FUT7: variants seen among roughly 807,000 people sequenced by gnomAD.
The protein encoded by FUT7 is fucosyltransferase 7, also known as alpha-(1,3)-fucosyltransferase 7.
FUT7 carries 2 observed loss-of-function variants against 5.0 expected under a neutral mutation model. The ratio of observed to expected loss-of-function variants is 0.40; its 90% CI spans 0.16 to 1.26. The LOEUF is 1.26. Ranked by LOEUF, FUT7 falls within the 50% of genes most tolerant of loss-of-function variation. The probability of loss-of-function intolerance (pLI) is 0.32; values close to 1 mark genes in which losing one functional copy is unlikely to be tolerated. For missense variants in FUT7, 461 were observed against 489.8 expected (o/e 0.94, Z 0.55); for synonymous variants, 218 against 210.6 (o/e 1.03, Z -0.30).
At position 137,031,706 on chromosome 9, in the gene FUT7, C is replaced by G. The variant is rs1831859949; in HGVS notation, c.33G>C (p.Arg11Ser). The change falls in exon 2 of 2, where the codon AGG becomes AGC. Residue 11 changes from arginine to serine, a missense_variant. Physicochemically the swap from Arg to Ser is moderately radical, Grantham distance 110 (BLOSUM62 -1). Coordinates refer to ENST00000314412, the MANE Select transcript of FUT7 (RefSeq NM_004479.4). MNNAGHGPTR[R>S]LRGLGVLAGV... is the part of the protein sequence containing the mutation. ...CGGCCAGGACCCCCAAGCCTCGCAGCCTCCGGGTGGGGCCGTGCCCTGCAG... is the reference window on the plus strand; with the variant it reads ...CGGCCAGGACCCCCAAGCCTCGCAGGCTCCGGGTGGGGCCGTGCCCTGCAG... 1 of 1,547,024 alleles carries G rather than the reference C, an allele frequency of 6.5e-7. No individual in the cohort carries two copies.
rs377550865 is a variant in FUT7 at position 137,031,303 on chromosome 9, C to T, written c.436G>A (p.Asp146Asn). The change falls in exon 2 of 2, where the codon GAC becomes AAC. Residue 146 changes from aspartate (D) to asparagine (N), a missense_variant. Coordinates refer to ENST00000314412, the MANE Select transcript of FUT7 (RefSeq NM_004479.4). The stretch of plus-strand genomic sequence containing the variant: ...CCATAGGGCACAAAGATGTCCGAGT[C>T]GCGCCGGTAGCTCAGCACCCAGTTG... ...IFNWVLSYRR[D>N]SDIFVPYGRL... The T allele has an allele frequency of 8.3e-5, 133 of 1,606,494 alleles. No homozygotes were observed. The highest frequency in any genetic ancestry group is 1.6e-4 in the Middle Eastern group (1 of 6,074).
chr9:137,031,197 T>C lies in FUT7; in HGVS notation c.542A>G (p.Gln181Arg), dbSNP rs780419290. The C allele has an allele frequency of 6.2e-7, 1 of 1,609,818 alleles. No homozygotes were observed. Among genetic ancestry groups the C allele is most frequent in the Non-Finnish European group, 8.5e-7 (1 of 1,178,454 alleles). The change falls in exon 2 of 2, where the codon CAG (glutamine) becomes CGG (arginine). Residue 181 changes from glutamine (Q) to arginine (R), a missense_variant. Gln to Arg is a conservative substitution (Grantham distance 43). Transcript: ENST00000314412. ...RVAAWVVSNF[Q>R]ERQLRARLYR... ...CAGCCTGGCACGCAGCTGCCGCTCC[T>C]GGAAGTTGCTGACCACCCAGGCGGC...
rs1393243054 is a variant in FUT7, at chr9:137,030,724, A to G, written c.1015T>C (p.Trp339Arg). 6.2e-7 allele frequency: 1 copy of G among 1,612,808 alleles called. No individual in the cohort carries two copies. Among genetic ancestry groups the G allele is most frequent in the African/African-American group, 1.3e-5 (1 of 75,040 alleles). ...RSQVYEDLEGWFQA is the reference protein window; with the variant it reads ...RSQVYEDLEGRFQA ...GCCAGCGGATCTCAGGCCTGAAACC[A>G]ACCCTCAAGGTCCTCATAGACTTGG... Residue 339 changes from tryptophan to arginine, a missense_variant, in exon 2 of 2, where the codon TGG (tryptophan) becomes CGG (arginine). Physicochemically the swap from Trp to Arg is moderately radical, Grantham distance 101. Coordinates refer to ENST00000314412, the MANE Select transcript of FUT7 (RefSeq NM_004479.4).
At position 137,030,730 on chromosome 9, in the gene FUT7, C is replaced by G. The variant is rs894280571; in HGVS notation, c.1009G>C (p.Glu337Gln). ...LPRSQVYEDL[E>Q]GWFQA is the part of the protein sequence containing the mutation. ...GGATCTCAGGCCTGAAACCAACCCT[C>G]AAGGTCCTCATAGACTTGGCTGCGG... Residue 337 changes from glutamate to glutamine, a missense_variant, in exon 2 of 2, where the codon GAG becomes CAG. Transcript: ENST00000314412. 1 of 1,612,726 alleles carries G rather than the reference C, an allele frequency of 6.2e-7. No individual in the cohort carries two copies. Among genetic ancestry groups the G allele is most frequent in the Non-Finnish European group, 8.5e-7 (1 of 1,179,964 alleles).
chr9:137,030,325 A>C lies in FUT7; in HGVS notation c.*385T>G. 1.0e-5 allele frequency: 3 copies of C among 289,742 alleles called. No homozygotes were observed. Among genetic ancestry groups the C allele is most frequent in the South Asian group, 3.6e-5 (1 of 28,034 alleles). The allele number at this position is 289,742 out of a possible 1,614,324, so 17.9% of individuals were successfully genotyped here. ...AGGGACCCGTGCCTGTGTCTCGGGG[A>C]CCACAGGGCCTCTGCTACCGAGGAA... On this transcript the variant is annotated 3_prime_UTR_variant, in exon 2 of 2. Transcript: ENST00000314412.
At position 137,030,891 on chromosome 9, in the gene FUT7, A is replaced by G. The variant is rs750958294; in HGVS notation, c.848T>C (p.Leu283Pro). Residue 283 changes from leucine (L) to proline (P), a missense_variant, in exon 2 of 2, where the codon CTG becomes CCG. Coordinates refer to ENST00000314412, the MANE Select transcript of FUT7 (RefSeq NM_004479.4). The stretch of plus-strand genomic sequence containing the variant: ...ATTCATGCCAGTGAGGAAAGCCGCC[A>G]GCTCTCGGGCTGAGCCAAAGTCATC... ...HVDDFGSARE[L>P]AAFLTGMNES... 17 of 1,612,682 alleles carry G rather than the reference A, an allele frequency of 1.1e-5. No individual in the cohort carries two copies. The highest frequency in any genetic ancestry group is 1.4e-5 in the Non-Finnish European group (17 of 1,180,008).
Position 137,031,451 on chromosome 9 carries a change from G to A in FUT7, c.288C>T (p.Arg96=), listed in dbSNP as rs140687996. 2.9e-5 allele frequency: 45 copies of A among 1,554,498 alleles called. No individual in the cohort carries two copies. In the Middle Eastern group the frequency reaches 5.3e-4, roughly 18 times the overall value. Reference sequence around the variant, plus strand: ...GGTGGGACCGCCGGGTCTGCAGCTCGCGGTGGTGGAAGACCACGGCGTCGG... The same window carrying A: ...GGTGGGACCGCCGGGTCTGCAGCTCACGGTGGTGGAAGACCACGGCGTCGG... The part of the protein sequence containing the change: ...ASADAVVFHH[R]ELQTRRSHLP... Residue 96 remains arginine (R), a synonymous_variant, in exon 2 of 2, where the codon CGC becomes CGT. Coordinates refer to ENST00000314412, the MANE Select transcript of FUT7 (RefSeq NM_004479.4).
chr9:137,031,555 C>A lies in FUT7; in HGVS notation c.184G>T (p.Glu62Ter), dbSNP rs1831855843. ...WHWPFTDQPP[E>*]LPSDTCTRYG... Reference sequence around the variant, plus strand: ...CGGGTGCAGGTGTCGCTGGGCAGCTCTGGGGGCTGGTCAGTGAAGGGCCAG... The same window carrying A: ...CGGGTGCAGGTGTCGCTGGGCAGCTATGGGGGCTGGTCAGTGAAGGGCCAG... The change falls in exon 2 of 2, where the codon GAG becomes TAG. Residue 62 changes from glutamate to a stop codon, truncating the protein, a stop_gained. Coordinates refer to ENST00000314412, the MANE Select transcript of FUT7 (RefSeq NM_004479.4). LOFTEE classifies it low-confidence loss of function (END_TRUNC). 5 of 1,565,852 alleles carry A rather than the reference C, an allele frequency of 3.2e-6. No homozygotes were observed. In the African/African-American group the frequency reaches 5.4e-5, roughly 17 times the overall value.
Position 137,031,581 on chromosome 9 carries a change from T to A in FUT7, c.158A>T (p.His53Leu). Reference protein sequence around the residue: ...PQPTITILVWHWPFTDQPPEL... With the variant: ...PQPTITILVWLWPFTDQPPEL... Reference sequence around the variant, plus strand: ...TGGGGGCTGGTCAGTGAAGGGCCAGTGCCAGACAAGGATGGTGATCGTGGG... The same window carrying A: ...TGGGGGCTGGTCAGTGAAGGGCCAGAGCCAGACAAGGATGGTGATCGTGGG... The change falls in exon 2 of 2, where the codon CAC (histidine) becomes CTC (leucine). Residue 53 changes from histidine to leucine, a missense_variant. Physicochemically the swap from His to Leu is moderately conservative, Grantham distance 99 (BLOSUM62 -3). Transcript: ENST00000314412. The A allele has an allele frequency of 6.4e-7, 1 of 1,569,444 alleles. No individual in the cohort carries two copies. The highest frequency in any genetic ancestry group is 8.6e-7 in the Non-Finnish European group (1 of 1,158,856).
rs1039443478 is a variant in FUT7 at position 137,030,419 on chromosome 9, C to T, written c.*291G>A. ...TGCCCCCCAGCCCCAAGGGCCCTGCCTTTCACCCTCTTCCAGCCAGGCCTT... is the reference window on the plus strand; with the variant it reads ...TGCCCCCCAGCCCCAAGGGCCCTGCTTTTCACCCTCTTCCAGCCAGGCCTT... On this transcript the variant is annotated 3_prime_UTR_variant, in exon 2 of 2. Coordinates refer to ENST00000314412, the MANE Select transcript of FUT7 (RefSeq NM_004479.4). The T allele has an allele frequency of 6.3e-6, 3 of 475,742 alleles. No homozygotes were observed. Among genetic ancestry groups the T allele is most frequent in the Admixed American group, 6.8e-5 (2 of 29,436 alleles). 29.5% of individuals were successfully genotyped at this position (475,742 alleles called of 1,614,324 possible).
chr9:137,031,071 C>T lies in FUT7; in HGVS notation c.668G>A (p.Arg223His), dbSNP rs748230192. 19 of 1,612,816 alleles carry T rather than the reference C, an allele frequency of 1.2e-5. No homozygotes were observed. Among genetic ancestry groups the T allele is most frequent in the Non-Finnish European group, 1.5e-5 (18 of 1,179,952 alleles). The change falls in exon 2 of 2, where the codon CGC (arginine) becomes CAC (histidine). Residue 223 changes from arginine to histidine, a missense_variant. Transcript: ENST00000314412. ...AGAGTTCTCAAAGGACAGGTAGAAGCGGTACTGGGCCACGGTGGGCACCAG... is the reference window on the plus strand; with the variant it reads ...AGAGTTCTCAAAGGACAGGTAGAAGTGGTACTGGGCCACGGTGGGCACCAG... Reference protein sequence around the residue: ...SCLVPTVAQYRFYLSFENSQH... With the variant: ...SCLVPTVAQYHFYLSFENSQH...
In FUT7 at chr9:137,030,898, G is replaced by A. The variant is rs753445149; in HGVS notation, c.841C>T (p.Arg281Ter). Residue 281 changes from arginine (R) to a stop codon, truncating the protein, a stop_gained, in exon 2 of 2, where the codon CGA becomes TGA. Transcript: ENST00000314412. LOFTEE classifies it low-confidence loss of function (END_TRUNC). ...FVHVDDFGSA[R>*]ELAAFLTGMN... ...CCAGTGAGGAAAGCCGCCAGCTCTC[G>A]GGCTGAGCCAAAGTCATCCACATGC... 14 of 1,612,658 alleles carry A rather than the reference G, an allele frequency of 8.7e-6. No individual in the cohort carries two copies. The highest frequency in any genetic ancestry group is 3.3e-4 in the Middle Eastern group (2 of 6,084).
At position 137,031,980 on chromosome 9, in the gene FUT7, A is replaced by G. The variant is rs767357180; in HGVS notation, c.12T>C (p.Ala4=). MNN[A]GHGPTRRLRG... Reference sequence around the variant, plus strand: ...CCTCCCCGAGGGCCAGACACTCACCAGCATTATTCATCCACAGTCTCCCAG... The same window carrying G: ...CCTCCCCGAGGGCCAGACACTCACCGGCATTATTCATCCACAGTCTCCCAG... Residue 4 remains alanine, a splice_region_variant and synonymous_variant, in exon 1 of 2, where the codon GCT becomes GCC. Coordinates refer to ENST00000314412, the MANE Select transcript of FUT7 (RefSeq NM_004479.4). The G allele has an allele frequency of 3.7e-6, 6 of 1,612,548 alleles. No individual in the cohort carries two copies. The Admixed American group carries it at 5.0e-5, about 13-fold the overall frequency.
chr9:137,031,605 G>T lies in FUT7; in HGVS notation c.134C>A (p.Pro45His). The change falls in exon 2 of 2, where the codon CCC (proline) becomes CAC (histidine). Residue 45 changes from proline to histidine, a missense_variant. Transcript: ENST00000314412. ...GTGCCAGACAAGGATGGTGATCGTGGGCTGGGGTGCCGGGGTACCCCGAGG... is the reference window on the plus strand; with the variant it reads ...GTGCCAGACAAGGATGGTGATCGTGTGCTGGGGTGCCGGGGTACCCCGAGG... ...SAPRGTPAPQ[P>H]TITILVWHWP... 6.4e-7 allele frequency: 1 copy of T among 1,564,726 alleles called. No individual in the cohort carries two copies. The highest frequency in any genetic ancestry group is 2.3e-5 in the East Asian group (1 of 42,608).
At chr9:137,031,949 C>G in intron 1 of FUT7, 30 bp downstream of exon 1, 1 of 1,611,252 alleles carries the variant, frequency 6.2e-7, no homozygotes, top group Non-Finnish European at 8.5e-7. Flanking sequence ...CTGTCCCCAG[C>G]TTGGGCCTCC....
At position 137,030,665 on chromosome 9, in the gene FUT7, C is replaced by T. The variant is rs774438372; in HGVS notation, c.*45G>A. On this transcript the variant is annotated 3_prime_UTR_variant, in exon 2 of 2. Transcript: ENST00000314412. ...CGGATGCCTGGTGGTTTGATTTCGA[C>T]ACCCAGCCCTTCCACCCACACCCAC... The T allele has an allele frequency of 3.7e-6, 6 of 1,607,532 alleles. No homozygotes were observed. In the South Asian group the frequency reaches 6.6e-5, roughly 18 times the overall value.
At position 137,030,294 on chromosome 9, in the gene FUT7, C is replaced by A. The variant is rs572404909; in HGVS notation, c.*416G>T. On this transcript the variant is annotated 3_prime_UTR_variant, in exon 2 of 2. Coordinates refer to ENST00000314412, the MANE Select transcript of FUT7 (RefSeq NM_004479.4). ...CACACAGGGACCTCAGAACTATGGACGTGGCAGGGACCCGTGCCTGTGTCT... is the reference window on the plus strand; with the variant it reads ...CACACAGGGACCTCAGAACTATGGAAGTGGCAGGGACCCGTGCCTGTGTCT... 1 of 275,290 alleles carries A rather than the reference C, an allele frequency of 3.6e-6. No individual in the cohort carries two copies. 17.1% of individuals were successfully genotyped at this position (275,290 alleles called of 1,614,324 possible).
At position 137,031,391 on chromosome 9, in the gene FUT7, C is replaced by A. The variant is rs866278394; in HGVS notation, c.348G>T (p.Trp116Cys). Residue 116 changes from tryptophan (W) to cysteine (C), a missense_variant, in exon 2 of 2, where the codon TGG becomes TGT. Transcript: ENST00000314412. The part of the protein sequence containing the change: ...PLAQRPRGQP[W>C]VWASMESPSH... ...TAGGAGACTCCATGGAGGCCCACAC[C>A]CAGGGCTGCCCTCGCGGCCGCTGGG... 1 of 1,573,772 alleles carries A rather than the reference C, an allele frequency of 6.4e-7. No individual in the cohort carries two copies. Among genetic ancestry groups the A allele is most frequent in the East Asian group, 2.3e-5 (1 of 42,926 alleles).
rs1465489288 is a variant in FUT7, at chr9:137,031,490, G to A, written c.249C>T (p.Ser83=). 6.4e-7 allele frequency: 1 copy of A among 1,553,816 alleles called. No homozygotes were observed. Among genetic ancestry groups the A allele is most frequent in the East Asian group, 2.4e-5 (1 of 41,566 alleles). The change falls in exon 2 of 2, where the codon AGC becomes AGT. Residue 83 remains serine (S), a synonymous_variant. Transcript: ENST00000314412. ...IARCHLSANR[S]LLASADAVVF... ...CCACGGCGTCGGCGCTGGCCAGCAG[G>A]CTTCGGTTGGCACTCAGGTGGCAGC... is the stretch of plus-strand genomic sequence containing the variant.
Sources: gnomAD v4.1 joint callset for allele counts on GRCh38, gnomAD v4.1.1 for gene constraint, MANE v1.5 for transcripts, NCBI Gene and HGNC (gene_info 2026-07-23, HGNC 2026-07-21) for gene names.